Variants in S100PBP observed in about 807,000 individuals in gnomAD.
S100PBP encodes the protein S100P binding protein, also known as S100P-binding protein.
A neutral mutation model predicts 39.9 loss-of-function variants in S100PBP; 15 were observed. That is an observed-to-expected ratio of 0.38 (90% CI 0.25 to 0.58). The LOEUF is 0.58. Among genes scored for constraint, S100PBP ranks in the 20% least tolerant of loss-of-function variants. The pLI is 0.70. For synonymous variants in S100PBP, 178 were observed against 180.3 expected, an observed-to-expected ratio of 0.99 and a Z score of 0.10; for missense variants, 504 against 487.3, an observed-to-expected ratio of 1.03 and a Z score of -0.32.
At chr1:32,829,387 G>A (rs572208481) in intron 4 of S100PBP, among the ~76,000 whole-genome samples, 59 of 151,174 alleles carry the variant, frequency 3.9e-4, no homozygotes, top group Non-Finnish European at 7.8e-4. Context: ...ACTTTCTCTA[G>A]GGACTAGTAA....
At chr1:32,822,739 C>G (rs747276376) in intron 1 of S100PBP, among the ~76,000 whole-genome samples, 52 of 151,696 alleles carry the variant, frequency 3.4e-4, no homozygotes, top group Non-Finnish European at 6.3e-4. Flanking sequence ...GTTTTGTATA[C>G]TTTTGTTCCC....
intron 1 of S100PBP, chr1:32,824,813 G>A (rs1281271756): frequency 1.3e-5 from 1 of 76,686 alleles, no homozygotes; most frequent in Admixed American, 1.6e-4. Flanking sequence ...TTTTTTTTTT[G>A]CATTTTTTCT....
At chr1:32,830,460 T>TA (rs1323372477) in intron 5 of S100PBP, among the ~76,000 whole-genome samples, 2 of 152,228 alleles carry the variant, frequency 1.3e-5, no homozygotes, top group Non-Finnish European at 2.9e-5. Flanking sequence ...CTTCAGCATT[T>TA]AAAAGCAGGC....
intron 5 of S100PBP, among the ~76,000 whole-genome samples, chr1:32,844,243 G>T (rs115813319): frequency 5.0e-4 from 76 of 152,186 alleles, no homozygotes; most frequent in African/African-American, 1.8e-3. Context: ...GCAGAGGTGG[G>T]GTTTTGCTAT....
At chr1:32,855,550 T>C (rs942362946) in intron 6 of S100PBP, among the ~76,000 whole-genome samples, 2 of 152,202 alleles carry the variant, frequency 1.3e-5, no homozygotes, top group Non-Finnish European at 2.9e-5. Flanking sequence ...GGTACAGGTG[T>C]GATGCAAACA....
chr1:32,823,121 G>C (rs1034402709), intron 1 of S100PBP, among the ~76,000 whole-genome samples: 1 of 152,140 alleles, frequency 6.6e-6, no homozygotes, highest in East Asian at 1.9e-4. Flanking sequence ...CTGAACTTTA[G>C]TTTCCCAAGA....
intron 5 of S100PBP, among the ~76,000 whole-genome samples, chr1:32,842,448 T>C (rs1640162570): frequency 6.6e-6 from 1 of 152,000 alleles, no homozygotes; most frequent in Non-Finnish European, 1.5e-5. Context: ...CTAGTGTTCT[T>C]ATTTTTCAGT....
intron 4 of S100PBP, among the ~76,000 whole-genome samples, chr1:32,829,345 T>C (rs1208552775): frequency 6.6e-6 from 1 of 152,230 alleles, no homozygotes; most frequent in Admixed American, 6.5e-5. Context: ...TAGAAAGCTA[T>C]TTTCTGACTA....
intron 5 of S100PBP, among the ~76,000 whole-genome samples, chr1:32,851,412 T>C (rs1370524037): frequency 6.6e-6 from 1 of 152,158 alleles, no homozygotes; most frequent in African/African-American, 2.4e-5. Context: ...ACGCCTGTAA[T>C]CCCAGCACTT....
upstream of S100PBP, among the ~76,000 whole-genome samples, chr1:32,816,610 T>C (rs1340579954): frequency 1.3e-5 from 2 of 152,234 alleles, no homozygotes; most frequent in African/African-American, 4.8e-5. Context: ...TTCCTCCATC[T>C]GAAATGCTCT....
intron 6 of S100PBP, among the ~76,000 whole-genome samples, chr1:32,854,782 C>CTCT (rs1173648490): frequency 6.6e-6 from 1 of 152,218 alleles, no homozygotes; most frequent in African/African-American, 2.4e-5. Flanking sequence ...TCTCCTAATA[C>CTCT]TCTTCCTCTT....
upstream of S100PBP, chr1:32,817,217 T>G (rs1638773342): frequency 1.9e-6 from 3 of 1,614,154 alleles, no homozygotes; most frequent in Non-Finnish European, 2.5e-6. Context: ...AGGTGCAGTT[T>G]CTCTTCAGGG....
chr1:32,825,200 A>C (rs572097913), intron 1 of S100PBP, 113 bp from the exon 2 acceptor site: 1 of 152,340 alleles, frequency 6.6e-6, no homozygotes, highest in South Asian at 2.1e-4. Flanking sequence ...ATTACAAAAA[A>C]AATCAAGATT....
upstream of S100PBP, chr1:32,816,781 A>C: frequency 4.7e-6 from 1 of 210,820 alleles, no homozygotes; most frequent in Non-Finnish European, 9.8e-6. Context: ...CTTTCCCTTT[A>C]AAGCTCCCAG....
chr1:32,837,480 A>G (rs1455974586), intron 5 of S100PBP, among the ~76,000 whole-genome samples: 1 of 142,334 alleles, frequency 7.0e-6, no homozygotes, highest in Non-Finnish European at 1.5e-5. Flanking sequence ...CAGGAGAATC[A>G]CTTGAACCCG....
At position 32,826,503 on chromosome 1, in the gene S100PBP, G is replaced by C; in HGVS notation, c.404G>C (p.Arg135Thr). 1 of 1,614,088 alleles carries C rather than the reference G, an allele frequency of 6.2e-7. No individual in the cohort carries two copies. The highest frequency in any genetic ancestry group is 1.1e-5 in the South Asian group (1 of 91,072). Residue 135 changes from arginine to threonine, a missense_variant, in exon 3 of 7, where the codon AGA becomes ACA. By Grantham distance (71) the Arg-to-Thr change is moderately conservative. Transcript: ENST00000373475. ...HGPAHTKPLN[R>T]RSVLEKNLIK... ...CCAGCTCATACTAAACCATTAAACA[G>C]ACGCTCTGTACTAGAAAAGAATCTT...
chr1:32,844,379 A>C (rs1640260093), intron 5 of S100PBP, among the ~76,000 whole-genome samples: 1 of 152,094 alleles, frequency 6.6e-6, no homozygotes, highest in Non-Finnish European at 1.5e-5. Context: ...AAACATTTGG[A>C]ACTGGGCACG....
intron 2 of S100PBP, among the ~76,000 whole-genome samples, 166 bp from the exon 3 acceptor site, chr1:32,825,932 G>GT (rs1639301590): frequency 6.6e-6 from 1 of 152,150 alleles, no homozygotes; most frequent in African/African-American, 2.4e-5. Flanking sequence ...GTTCTAACGT[G>GT]TATTTCCATG....
intron 5 of S100PBP, among the ~76,000 whole-genome samples, chr1:32,838,580 C>T (rs1008831460): frequency 2.6e-5 from 4 of 152,074 alleles, no homozygotes; most frequent in South Asian, 4.1e-4. Flanking sequence ...CAGTGGCTCA[C>T]GCCTGTAATC....
Sources: allele counts gnomAD v4.1 joint callset (sites outside exome capture counted in the v4.1 genomes callset), GRCh38; gene constraint gnomAD v4.1.1; transcripts MANE v1.5; gene names NCBI Gene and HGNC (gene_info 2026-07-23, HGNC 2026-07-21).